Variants in TIAM2 observed in about 807,000 individuals in gnomAD.
TIAM2 encodes rho guanine nucleotide exchange factor TIAM2.
Under a neutral mutation model 152.9 loss-of-function variants are expected in TIAM2, and 80 were observed. The observed-to-expected ratio is 0.52, with a 90% CI of 0.44 to 0.63. The LOEUF is 0.63. TIAM2 is among the 30% of genes least tolerant of loss of function. The pLI is 0.00. For missense variants in TIAM2, 1,965 were observed against 2,120.1 expected (o/e 0.93, Z 1.44); for synonymous variants, 804 against 838.0 (o/e 0.96, Z 0.70).
At chr6:155,029,443 C>G (rs1211165482) in intron 1 of TIAM2, among the ~76,000 whole-genome samples, 1 of 6,646 alleles carries the variant, frequency 1.5e-4, no homozygotes, top group African/African-American at 4.0e-4. Flanking sequence ...ATATATTATA[C>G]TATAGTATAT....
intron 2 of TIAM2, among the ~76,000 whole-genome samples, chr6:155,114,036 A>ATATATATATATATATATATATATT: frequency 2.9e-5 from 1 of 34,904 alleles, no homozygotes; most frequent in Non-Finnish European, 5.0e-5. Flanking sequence ...ATATATATAT[A>ATATATATATATATATATATATATT]TTTTTTTTTT....
At chr6:155,082,111 A>G (rs1221046733) in intron 1 of TIAM2, among the ~76,000 whole-genome samples, 1 of 152,184 alleles carries the variant, frequency 6.6e-6, no homozygotes, top group Non-Finnish European at 1.5e-5. Context: ...TGGGAGGCCG[A>G]GGTGGGAGGA....
intron 1 of TIAM2, among the ~76,000 whole-genome samples, chr6:155,026,065 A>T (rs545675662): frequency 6.6e-6 from 1 of 152,226 alleles, no homozygotes; most frequent in South Asian, 2.1e-4. Context: ...GCCCAGCCAG[A>T]GCTCTGATAA....
rs1776781046 is a variant in TIAM2 at position 155,029,654 on chromosome 6, T to TAGAGTTATATAACTATATAC, written c.-209+34182_-209+34201dup. On this transcript the variant is annotated intron_variant, in intron 1 of 26. Coordinates refer to ENST00000682666, the MANE Select transcript of TIAM2 (RefSeq NM_012454.4). ...CTATATATAGTTATATAACTATATA[T>TAGAGTTATATAACTATATAC]AGAGTTATATAACTATATACAGAGT... Among the ~76,000 whole-genome samples the TAGAGTTATATAACTATATAC allele has an allele frequency of 5.8e-4, 52 of 89,948 alleles. 1 individual carries two copies. In the South Asian group the frequency reaches 0.014, roughly 25 times the overall value. The allele number at this position is 89,948 out of a possible 152,430, so 59.0% of individuals were successfully genotyped here.
chr6:155,059,940 A>G (rs1777538433), intron 1 of TIAM2, among the ~76,000 whole-genome samples: 1 of 152,226 alleles, frequency 6.6e-6, no homozygotes, highest in Non-Finnish European at 1.5e-5. Context: ...CTGAAAACTA[A>G]CATAGTGTTC....
intron 7 of TIAM2, among the ~76,000 whole-genome samples, chr6:155,153,287 C>T (rs1233991516): frequency 6.6e-6 from 1 of 151,970 alleles, no homozygotes; most frequent in Non-Finnish European, 1.5e-5. Flanking sequence ...TTGTGAGTTT[C>T]TGGTAACAGA....
chr6:155,113,720 T>C (rs1216970752), intron 2 of TIAM2, among the ~76,000 whole-genome samples: 1 of 152,012 alleles, frequency 6.6e-6, no homozygotes, highest in Admixed American at 6.6e-5. Flanking sequence ...CAAGACTCCG[T>C]CTTAAAAAAA....
At chr6:155,155,364 T>C (rs1048542763) in intron 7 of TIAM2, among the ~76,000 whole-genome samples, 11 of 152,062 alleles carry the variant, frequency 7.2e-5, no homozygotes, top group Admixed American at 5.2e-4. Flanking sequence ...TTAGTAGAGA[T>C]GGGATTGGCC....
chr6:155,164,587 C>T lies in TIAM2; in HGVS notation c.2201C>T (p.Ser734Phe). Residue 734 changes from serine to phenylalanine, a missense_variant, in exon 8 of 27, where the codon TCT becomes TTT. By Grantham distance (155) the Ser-to-Phe change is radical. Around this residue, in one of 3 missense-constraint regions of TIAM2, gnomAD observed 1,025 missense variants for 1,119.4 expected, o/e 0.92. Transcript: ENST00000682666. ...LGRLGILSVS[S>F]FHALVCSRDD... ...AGGCTGGGCATCTTGTCTGTTTCCTCTTTCCATGCTCTGGTAAGTTCCTGA... is the reference window on the plus strand; with the variant it reads ...AGGCTGGGCATCTTGTCTGTTTCCTTTTTCCATGCTCTGGTAAGTTCCTGA... 6.2e-7 allele frequency: 1 copy of T among 1,612,648 alleles called. No individual in the cohort carries two copies. The highest frequency in any genetic ancestry group is 1.1e-5 in the South Asian group (1 of 91,046).
intron 2 of TIAM2, among the ~76,000 whole-genome samples, chr6:155,125,944 C>T (rs1417357655): frequency 6.6e-6 from 1 of 152,068 alleles, no homozygotes; most frequent in Non-Finnish European, 1.5e-5. Context: ...ATAGAATAAC[C>T]TAATGCTATT....
At position 155,163,961 on chromosome 6, in the gene TIAM2, A is replaced by ATTTTT. The variant is rs71558240; in HGVS notation, c.2029-450_2029-449insTTTTT. Reference sequence around the variant, plus strand: ...AATGAAGTGCTGGATGACCCAGTGCATTTTGTTTTTTTTTTTGAGACGGAG... The same window carrying ATTTTT: ...AATGAAGTGCTGGATGACCCAGTGCATTTTTTTTTGTTTTTTTTTTTGAGACGGAG... On this transcript the variant is annotated intron_variant, in intron 7 of 26. Transcript: ENST00000682666. Among the ~76,000 whole-genome samples the ATTTTT allele has an allele frequency of 4.9e-5, 7 of 144,050 alleles. 1 individual carries two copies. The highest frequency in any genetic ancestry group is 2.2e-4 in the South Asian group (1 of 4,582). 94.5% of individuals were successfully genotyped at this position (144,050 alleles called of 152,430 possible).
intron 1 of TIAM2, among the ~76,000 whole-genome samples, chr6:155,053,203 T>A (rs1210284138): frequency 6.6e-6 from 1 of 152,198 alleles, no homozygotes; most frequent in East Asian, 1.9e-4. Context: ...ATTAAGACAT[T>A]ACAGTAAAGT....
chr6:155,224,094 T>G (rs79125139), intron 15 of TIAM2, among the ~76,000 whole-genome samples: 10,517 of 152,256 alleles, frequency 0.069, 462 homozygotes, highest in Non-Finnish European at 0.1. Flanking sequence ...AATCGTCACC[T>G]GGCTGCCTTC....
At chr6:155,065,183 AC>A (rs1777665514) in intron 1 of TIAM2, among the ~76,000 whole-genome samples, 1 of 151,980 alleles carries the variant, frequency 6.6e-6, no homozygotes, top group Non-Finnish European at 1.5e-5. Context: ...CAAACTGCTA[AC>A]CTCGGGTGAT....
intron 1 of TIAM2, among the ~76,000 whole-genome samples, chr6:155,061,562 A>G (rs910230153): frequency 3.3e-5 from 5 of 152,242 alleles, no homozygotes; most frequent in Admixed American, 2.0e-4. Flanking sequence ...CATGTAAAGC[A>G]GCTTTGGAAT....
intron 1 of TIAM2, among the ~76,000 whole-genome samples, chr6:155,049,751 G>A (rs539111098): frequency 4.6e-4 from 70 of 152,190 alleles, no homozygotes; most frequent in African/African-American, 1.6e-3. Context: ...TCAGGGCAAG[G>A]AAGATACTTT....
chr6:155,246,945 G>A (rs1179817604), intron 19 of TIAM2, among the ~76,000 whole-genome samples: 3 of 152,254 alleles, frequency 2.0e-5, no homozygotes, highest in African/African-American at 4.8e-5. Context: ...TGGAATCCAA[G>A]TAGCACTGGT....
intron 4 of TIAM2, among the ~76,000 whole-genome samples, chr6:155,132,072 T>C (rs1779462415): frequency 6.6e-6 from 1 of 151,606 alleles, no homozygotes; most frequent in African/African-American, 2.4e-5. Flanking sequence ...GGAAGAAAAG[T>C]GATAGTTTGC....
At chr6:155,086,470 G>T (rs1013034073) in intron 1 of TIAM2, among the ~76,000 whole-genome samples, 1 of 152,160 alleles carries the variant, frequency 6.6e-6, no homozygotes, top group Admixed American at 6.5e-5. Context: ...ACTTTGGAAG[G>T]CTGAGGCGGG....
Sources: gnomAD v4.1 joint callset for allele counts (sites outside exome capture counted in the v4.1 genomes callset) on GRCh38, gnomAD v4.1.1 for gene constraint, gnomAD v4.1.1 regional missense constraint, MANE v1.5 for transcripts, NCBI Gene and HGNC (gene_info 2026-07-23, HGNC 2026-07-21) for gene names.